The following ZNF723 variants were observed in gnomAD, a reference collection of about 807,000 sequenced individuals.
The protein encoded by ZNF723 is zinc finger protein 723.
A neutral mutation model predicts 9.4 loss-of-function variants in ZNF723; 5 were observed. The observed-to-expected ratio is 0.53, with a 90% CI of 0.28 to 1.12. ZNF723 has a LOEUF of 1.12. Ranked by LOEUF, ZNF723 falls within the 50% of genes most tolerant of loss-of-function variation. The pLI is 0.10. For synonymous variants in ZNF723, 158 were observed against 168.8 expected (o/e 0.94, Z 0.49); for missense variants, 450 against 501.5 (o/e 0.90, Z 0.98).
At chr19:22,814,356 C>T in the ZNF723 span, among the ~76,000 whole-genome samples, 1 of 152,170 alleles carries the variant, frequency 6.6e-6, no homozygotes, top group African/African-American at 2.4e-5. Context: ...CTCATGTGCA[C>T]ACCCTGCCAA....
At chr19:22,857,070 A>G in intron 3 of ZNF723, 48 bp from the exon 4 acceptor site, 1 of 694,852 alleles carries the variant, frequency 1.4e-6, no homozygotes, top group South Asian at 2.6e-5. Flanking sequence ...AAGTATATCC[A>G]TCTGAGTCTA....
intron 3 of ZNF723, among the ~76,000 whole-genome samples, chr19:22,854,154 TACACAC>T (rs71163412): frequency 0.21 from 30,709 of 149,710 alleles, 3,590 homozygotes; most frequent in African/African-American, 0.33. Flanking sequence ...AAATGTGAGA[TACACAC>T]ACACACACAC....
the ZNF723 span, among the ~76,000 whole-genome samples, chr19:22,817,944 A>G: frequency 6.6e-6 from 1 of 152,098 alleles, no homozygotes; most frequent in South Asian, 2.1e-4. Context: ...TGATACTCTC[A>G]TGAATAAACA....
At chr19:22,842,764 A>T (rs1967264921) in intron 1 of ZNF723, among the ~76,000 whole-genome samples, 1 of 152,170 alleles carries the variant, frequency 6.6e-6, no homozygotes, top group Non-Finnish European at 1.5e-5. Flanking sequence ...AGCCAGGTTG[A>T]TCCCACCTAG....
the ZNF723 span, among the ~76,000 whole-genome samples, chr19:22,814,119 C>T: frequency 2.0e-5 from 3 of 152,124 alleles, no homozygotes; most frequent in Non-Finnish European, 4.4e-5. Context: ...GCCAGCAAAA[C>T]ATTTTTAAAT....
chr19:22,833,667 TG>T (rs1343120253), intron 1 of ZNF723, among the ~76,000 whole-genome samples: 1 of 151,918 alleles, frequency 6.6e-6, no homozygotes, highest in Non-Finnish European at 1.5e-5. Context: ...TGGAGTGCAA[TG>T]GCATGATCTC....
upstream of ZNF723, among the ~76,000 whole-genome samples, chr19:22,829,312 G>A (rs1316337475): frequency 1.4e-5 from 2 of 145,416 alleles, no homozygotes; most frequent in Admixed American, 6.9e-5. Context: ...TTGAGATGCC[G>A]TCTTGCTCTG....
At chr19:22,814,497 T>G in the ZNF723 span, among the ~76,000 whole-genome samples, 23 of 152,188 alleles carry the variant, frequency 1.5e-4, no homozygotes, top group Non-Finnish European at 2.9e-4. Context: ...TTTTGTTGAC[T>G]CTCAAAGCAA....
At chr19:22,842,322 T>G (rs1967258294) in intron 1 of ZNF723, among the ~76,000 whole-genome samples, 1 of 152,216 alleles carries the variant, frequency 6.6e-6, no homozygotes, top group Non-Finnish European at 1.5e-5. Context: ...CTAAGAGTTT[T>G]TTTTAATCTC....
At chr19:22,827,336 GAGT>G (rs1386366544), upstream of ZNF723, among the ~76,000 whole-genome samples, 6 of 152,208 alleles carry the variant, frequency 3.9e-5, no homozygotes, top group African/African-American at 4.8e-5. Flanking sequence ...TGGTTGAAAT[GAGT>G]AGATCATTAT....
the ZNF723 span, among the ~76,000 whole-genome samples, chr19:22,823,988 A>G: frequency 5.9e-3 from 899 of 152,358 alleles, 6 homozygotes; most frequent in African/African-American, 0.02. Flanking sequence ...TCTCACCCTC[A>G]GAAGAACTTA....
chr19:22,840,164 T>A (rs1388734139), intron 1 of ZNF723, among the ~76,000 whole-genome samples: 1 of 152,052 alleles, frequency 6.6e-6, no homozygotes, highest in African/African-American at 2.4e-5. Flanking sequence ...GCAATTGTTT[T>A]TAATATTTTC....
At chr19:22,836,035 G>A (rs952067430) in intron 1 of ZNF723, among the ~76,000 whole-genome samples, 18 of 150,798 alleles carry the variant, frequency 1.2e-4, no homozygotes, top group African/African-American at 4.4e-4. Context: ...TTTGCTAGAT[G>A]TTTTAGTTTT....
chr19:22,820,942 C>G, the ZNF723 span, among the ~76,000 whole-genome samples: 17 of 152,272 alleles, frequency 1.1e-4, no homozygotes, highest in African/African-American at 3.6e-4. Context: ...CTGTGAATCT[C>G]CCACGTGGAG....
Position 22,832,334 on chromosome 19 carries a change from T to C in ZNF723, c.-46T>C. On this transcript the variant is annotated 5_prime_UTR_variant, in exon 1 of 4. Coordinates refer to ENST00000600766, the MANE Select transcript of ZNF723 (RefSeq NM_001349726.2). Reference sequence around the variant, plus strand: ...CTGTGGCCTCCTGACCTACATGCATTGGGAGATCCACAGCTAAGACGCCAG... The same window carrying C: ...CTGTGGCCTCCTGACCTACATGCATCGGGAGATCCACAGCTAAGACGCCAG... 1 of 1,378,528 alleles carries C rather than the reference T, an allele frequency of 7.3e-7. No homozygotes were observed. The highest frequency in any genetic ancestry group is 1.0e-6 in the Non-Finnish European group (1 of 986,228). The allele number at this position is 1,378,528 out of a possible 1,614,324, so 85.4% of individuals were successfully genotyped here. A position where few individuals can be genotyped will look rare whatever the true frequency, so the allele number is the denominator to read the frequency against.
chr19:22,848,085 A>T (rs142443657), intron 1 of ZNF723, among the ~76,000 whole-genome samples, 176 bp from the exon 2 acceptor site: 264 of 150,402 alleles, frequency 1.8e-3, no homozygotes, highest in Middle Eastern at 3.4e-3. Context: ...CTGGGCAACA[A>T]GTGCAAGACT....
the ZNF723 span, among the ~76,000 whole-genome samples, chr19:22,819,006 C>T: frequency 3.5e-4 from 54 of 152,184 alleles, no homozygotes; most frequent in African/African-American, 1.3e-3. Context: ...CCCTGCTCAT[C>T]AGAGGGATTT....
chr19:22,838,380 C>T (rs1967195257), intron 1 of ZNF723, among the ~76,000 whole-genome samples: 1 of 151,872 alleles, frequency 6.6e-6, no homozygotes, highest in East Asian at 1.9e-4. Flanking sequence ...GGTGAAACCC[C>T]GTCTCTACTA....
intron 3 of ZNF723, among the ~76,000 whole-genome samples, chr19:22,851,823 G>C (rs1308647624): frequency 6.6e-6 from 1 of 152,100 alleles, no homozygotes; most frequent in East Asian, 1.9e-4. Flanking sequence ...TTTTGCTCTT[G>C]TTGCCCAGGC....
Sources: gnomAD v4.1 joint callset for allele counts (sites outside exome capture counted in the v4.1 genomes callset) on GRCh38, gnomAD v4.1.1 for gene constraint, MANE v1.5 for transcripts, NCBI Gene and HGNC (gene_info 2026-07-23, HGNC 2026-07-21) for gene names.